The following PTPRD variants were observed in gnomAD, a reference collection of about 807,000 sequenced individuals.
PTPRD encodes the protein protein tyrosine phosphatase receptor type D, also known as receptor-type tyrosine-protein phosphatase delta.
PTPRD carries 34 observed loss-of-function variants against 214.5 expected under a neutral mutation model. The observed-to-expected ratio is 0.16, with a 90% CI of 0.12 to 0.21. PTPRD has a LOEUF of 0.21. Among genes scored for constraint, PTPRD ranks in the 10% least tolerant of loss-of-function variants. The pLI, the probability that PTPRD is intolerant of heterozygous loss-of-function variation, is 1.00. For synonymous variants in PTPRD, 1,128 were observed against 845.7 expected (o/e 1.33, Z -5.79); for missense variants, 2,545 against 2,398.7 (o/e 1.06, Z -1.27).
chr9:9,259,433 C>T (rs574142700), intron 9 of PTPRD, among the ~76,000 whole-genome samples: 1 of 152,074 alleles, frequency 6.6e-6, no homozygotes, highest in East Asian at 2.0e-4. Context: ...AGCCCTCCCT[C>T]TCCACCAATG....
At chr9:8,491,994 T>C (rs950629619) in intron 27 of PTPRD, among the ~76,000 whole-genome samples, 1 of 152,250 alleles carries the variant, frequency 6.6e-6, no homozygotes, top group Non-Finnish European at 1.5e-5. Context: ...AATTTACTCA[T>C]TCTACAATGC....
intron 5 of PTPRD, among the ~76,000 whole-genome samples, chr9:9,899,920 T>C (rs1021833991): frequency 2.6e-5 from 4 of 152,004 alleles, no homozygotes; most frequent in East Asian, 3.9e-4. Flanking sequence ...AGATACTATG[T>C]TAGGTGAAAT....
intron 14 of PTPRD, among the ~76,000 whole-genome samples, chr9:8,571,519 C>A (rs1322971209): frequency 6.6e-6 from 1 of 152,162 alleles, no homozygotes; most frequent in African/African-American, 2.4e-5. Flanking sequence ...AGGAAATAAG[C>A]ATTTTGCCTA....
Position 10,139,288 on chromosome 9 carries a change from G to GA in PTPRD, c.-544-105499dup, listed in dbSNP as rs59813570. Among the ~76,000 whole-genome samples, 658 of 149,038 alleles carry GA rather than the reference G, an allele frequency of 4.4e-3. 6 individuals carry two copies. Among genetic ancestry groups the GA allele is most frequent in the Admixed American group, 6.6e-3 (98 of 14,926 alleles). Reference sequence around the variant, plus strand: ...ATGCAAACCAATTTATAATAGCAATGAAAAAAAAATGCCCAGGAATACTGC... The same window carrying GA: ...ATGCAAACCAATTTATAATAGCAATGAAAAAAAAAATGCCCAGGAATACTGC... On this transcript the variant is annotated intron_variant, in intron 3 of 45. Coordinates refer to ENST00000381196, the MANE Select transcript of PTPRD (RefSeq NM_002839.4).
At chr9:10,282,019 T>C (rs2095140357) in intron 3 of PTPRD, among the ~76,000 whole-genome samples, 1 of 151,718 alleles carries the variant, frequency 6.6e-6, no homozygotes, top group African/African-American at 2.4e-5. Flanking sequence ...AGTAAGCCTT[T>C]GATGAAAGCC....
At chr9:8,919,236 T>C (rs2098807978) in intron 11 of PTPRD, among the ~76,000 whole-genome samples, 1 of 151,752 alleles carries the variant, frequency 6.6e-6, no homozygotes, top group African/African-American at 2.4e-5. Context: ...CTAGTAAAAA[T>C]ACAAAAATTA....
chr9:10,367,744 TC>T (rs1224830529), intron 2 of PTPRD, among the ~76,000 whole-genome samples: 1 of 152,082 alleles, frequency 6.6e-6, no homozygotes, highest in African/African-American at 2.4e-5. Flanking sequence ...CTTAGAGTGT[TC>T]AAAGTGTTAT....
intron 6 of PTPRD, among the ~76,000 whole-genome samples, chr9:9,763,939 A>T (rs948880797): frequency 6.6e-6 from 1 of 152,134 alleles, no homozygotes; most frequent in African/African-American, 2.4e-5. Context: ...TATTTGGCCA[A>T]TTCCTCATTT....
chr9:8,548,099 C>T (rs1381368016), intron 14 of PTPRD, among the ~76,000 whole-genome samples: 1 of 152,082 alleles, frequency 6.6e-6, no homozygotes, highest in Non-Finnish European at 1.5e-5. Flanking sequence ...GATCTAAGAG[C>T]ATGAATATAA....
chr9:9,433,537 TA>T (rs1476545971), intron 8 of PTPRD, among the ~76,000 whole-genome samples: 1 of 133,272 alleles, frequency 7.5e-6, no homozygotes, highest in Non-Finnish European at 1.7e-5. Flanking sequence ...ACTAATTAAG[TA>T]AAAAGTGGAA....
At chr9:9,316,476 C>T (rs1267041154) in intron 9 of PTPRD, among the ~76,000 whole-genome samples, 1 of 152,072 alleles carries the variant, frequency 6.6e-6, no homozygotes, top group African/African-American at 2.4e-5. Context: ...ATAGATAAGT[C>T]AAACAAGACA....
intron 9 of PTPRD, among the ~76,000 whole-genome samples, chr9:9,381,924 G>T (rs1177536143): frequency 6.6e-6 from 1 of 150,674 alleles, no homozygotes; most frequent in Non-Finnish European, 1.5e-5. Context: ...AAAAATCATT[G>T]GGGTTTTAAT....
chr9:8,540,322 T>C lies in PTPRD; in HGVS notation c.353-11543A>G, dbSNP rs535121116. 2.6e-5 allele frequency among the ~76,000 whole-genome samples: 4 copies of C among 152,232 alleles called. No homozygotes were observed. The East Asian group carries it at 7.7e-4, about 29-fold the overall frequency. On this transcript the variant is annotated intron_variant, in intron 14 of 45. Coordinates refer to ENST00000381196, the MANE Select transcript of PTPRD (RefSeq NM_002839.4). Reference sequence around the variant, plus strand: ...GAGGCCCTCTTGAATACCATGACTATTTAAATGACACTCCAACTGTTATTA... The same window carrying C: ...GAGGCCCTCTTGAATACCATGACTACTTAAATGACACTCCAACTGTTATTA...
rs61314978 is a variant in PTPRD at position 10,231,989 on chromosome 9, AGTGTGTGT to A, written c.-545+108966_-545+108973del. Among the ~76,000 whole-genome samples, 143 of 92,492 alleles carry A rather than the reference AGTGTGTGT, an allele frequency of 1.5e-3. 1 individual carries two copies. Among genetic ancestry groups the A allele is most frequent in the African/African-American group, 6.9e-3 (131 of 18,956 alleles). 60.7% of individuals were successfully genotyped at this position (92,492 alleles called of 152,430 possible). A position where few individuals can be genotyped will look rare whatever the true frequency, so the allele number is the denominator to read the frequency against. ...GAGAGAGAGAGAGAGAGAGAGAGAG[AGTGTGTGT>A]GTGTGTGTGTGTGTGTGTGTGTGTG... On this transcript the variant is annotated intron_variant, in intron 3 of 45. Coordinates refer to ENST00000381196, the MANE Select transcript of PTPRD (RefSeq NM_002839.4).
At chr9:9,671,503 A>G (rs1383705530) in intron 7 of PTPRD, among the ~76,000 whole-genome samples, 1 of 151,968 alleles carries the variant, frequency 6.6e-6, no homozygotes, top group African/African-American at 2.4e-5. Flanking sequence ...GAGGACTGAG[A>G]TTTGGAGGGG....
chr9:9,364,005 T>C (rs1258267817), intron 9 of PTPRD, among the ~76,000 whole-genome samples: 1 of 151,448 alleles, frequency 6.6e-6, no homozygotes, highest in East Asian at 1.9e-4. Flanking sequence ...TGAAGGCTAA[T>C]ACCACTTTAG....
chr9:9,843,004 T>C (rs1461643068), intron 5 of PTPRD, among the ~76,000 whole-genome samples: 2 of 152,276 alleles, frequency 1.3e-5, no homozygotes, highest in African/African-American at 4.8e-5. Flanking sequence ...TAGCAAACTA[T>C]GGCCCTTGGA....
At chr9:9,825,095 G>A in intron 5 of PTPRD, among the ~76,000 whole-genome samples, 1 of 151,786 alleles carries the variant, frequency 6.6e-6, no homozygotes, top group Non-Finnish European at 1.5e-5. Context: ...GTGATCATCT[G>A]ATACTGCAGT....
intron 10 of PTPRD, among the ~76,000 whole-genome samples, chr9:9,064,439 C>G (rs1403207507): frequency 6.6e-6 from 1 of 152,092 alleles, no homozygotes; most frequent in African/African-American, 2.4e-5. Flanking sequence ...CTTGGGTCAT[C>G]TTGATAACTG....
Sources: gnomAD v4.1 joint callset for allele counts (sites outside exome capture counted in the v4.1 genomes callset) on GRCh38, gnomAD v4.1.1 for gene constraint, MANE v1.5 for transcripts, NCBI Gene and HGNC (gene_info 2026-07-23, HGNC 2026-07-21) for gene names.